The following AUTS2 variants were observed in gnomAD, a reference collection of about 807,000 sequenced individuals.
The protein encoded by AUTS2 is autism susceptibility gene 2 protein.
AUTS2 carries 17 observed loss-of-function variants against 112.4 expected under a neutral mutation model. The ratio of observed to expected loss-of-function variants is 0.15; its 90% CI spans 0.10 to 0.23. The LOEUF (loss-of-function observed/expected upper bound fraction) is 0.23, where lower values mean the gene tolerates loss of function less well. AUTS2 is among the 10% of genes least tolerant of loss of function. The probability of loss-of-function intolerance (pLI) is 1.00; values close to 1 mark genes in which losing one functional copy is unlikely to be tolerated. For synonymous variants in AUTS2, 751 were observed against 702.7 expected, an observed-to-expected ratio of 1.07 and a Z score of -1.09; for missense variants, 1,510 against 1,701.6, an observed-to-expected ratio of 0.89 and a Z score of 1.98.
At chr7:70,392,144 C>A (rs1793892791) in intron 4 of AUTS2, among the ~76,000 whole-genome samples, 1 of 152,164 alleles carries the variant, frequency 6.6e-6, no homozygotes, top group Non-Finnish European at 1.5e-5. Flanking sequence ...TTTGCAATGG[C>A]TTCTTTGTAT....
intron 5 of AUTS2, among the ~76,000 whole-genome samples, chr7:70,677,299 C>T (rs528749600): frequency 1.1e-4 from 17 of 152,230 alleles, no homozygotes; most frequent in East Asian, 3.9e-4. Context: ...TCTGCAAATC[C>T]GAGCTCTCTT....
At chr7:70,643,762 T>C (rs961591066) in intron 5 of AUTS2, among the ~76,000 whole-genome samples, 21 of 152,224 alleles carry the variant, frequency 1.4e-4, no homozygotes, top group African/African-American at 4.8e-4. Context: ...CTGATCTCTC[T>C]CTTTCCCCAA....
chr7:69,978,885 C>CACAG (rs1227904404), intron 2 of AUTS2, among the ~76,000 whole-genome samples: 1 of 150,632 alleles, frequency 6.6e-6, no homozygotes, highest in Non-Finnish European at 1.5e-5. Context: ...CACACACACA[C>CACAG]ACACACACAC....
At position 69,876,312 on chromosome 7, in the gene AUTS2, C is replaced by T. The variant is rs374453687; in HGVS notation, c.310-22974C>T. 3.0e-4 allele frequency among the ~76,000 whole-genome samples: 27 copies of T among 90,284 alleles called. No individual in the cohort carries two copies. In the East Asian group the frequency reaches 8.0e-3, roughly 27 times the overall value. The allele number at this position is 90,284 out of a possible 152,430, so 59.2% of individuals were successfully genotyped here. On this transcript the variant is annotated intron_variant, in intron 1 of 18. Coordinates refer to ENST00000342771, the MANE Select transcript of AUTS2 (RefSeq NM_015570.4). ...CTGCACTCCAGCCTGGGTGATGGAG[C>T]GAGACTCTGTCTCAAAAAAAAAAAA... is the stretch of plus-strand genomic sequence containing the variant.
intron 17 of AUTS2, 107 bp downstream of exon 17, chr7:70,786,145 C>T: frequency 1.0e-6 from 1 of 953,710 alleles, no homozygotes; most frequent in African/African-American, 1.6e-5. Context: ...TCTGGGGGGA[C>T]CAGTGTAGGT....
intron 4 of AUTS2, among the ~76,000 whole-genome samples, chr7:70,381,906 C>G (rs1793383096): frequency 6.6e-6 from 1 of 152,120 alleles, no homozygotes; most frequent in South Asian, 2.1e-4. Flanking sequence ...TCAGTAAACA[C>G]TTTTTGAGTG....
chr7:69,835,559 CAA>C (rs1265706697), intron 1 of AUTS2, among the ~76,000 whole-genome samples: 1 of 152,096 alleles, frequency 6.6e-6, no homozygotes. Context: ...AGATTTGTGT[CAA>C]GAGACTCCCA....
intron 1 of AUTS2, among the ~76,000 whole-genome samples, chr7:69,604,214 A>G (rs1347797061): frequency 6.6e-6 from 1 of 152,166 alleles, no homozygotes; most frequent in African/African-American, 2.4e-5. Context: ...CAGTAGCATA[A>G]GTGGGCTATA....
chr7:69,627,316 A>C (rs561953186), intron 1 of AUTS2, among the ~76,000 whole-genome samples: 101 of 152,062 alleles, frequency 6.6e-4, no homozygotes, highest in Non-Finnish European at 1.2e-3. Flanking sequence ...ACATGGAGAA[A>C]CCCTGTCTCT....
At chr7:69,854,648 G>A (rs1314799231) in intron 1 of AUTS2, among the ~76,000 whole-genome samples, 2 of 151,944 alleles carry the variant, frequency 1.3e-5, no homozygotes, top group African/African-American at 4.8e-5. Context: ...CATCTTTAGT[G>A]TCACTTTAAT....
intron 4 of AUTS2, among the ~76,000 whole-genome samples, chr7:70,255,878 T>A (rs1287269837): frequency 6.6e-6 from 1 of 152,228 alleles, no homozygotes; most frequent in Non-Finnish European, 1.5e-5. Flanking sequence ...AGGCCTAGAT[T>A]TATTAATCAT....
rs539669831 is a variant in AUTS2 at position 69,963,858 on chromosome 7, G to A, written c.522+64360G>A. ...ACATGTAACCACTGAGTGATGCATT[G>A]TACTCTCTCCTGTAAAGTAGCCTTT... On this transcript the variant is annotated intron_variant, in intron 2 of 18. Coordinates refer to ENST00000342771, the MANE Select transcript of AUTS2 (RefSeq NM_015570.4). 1.1e-3 allele frequency among the ~76,000 whole-genome samples: 172 copies of A among 152,210 alleles called. 1 individual carries two copies. Among genetic ancestry groups the A allele is most frequent in the African/African-American group, 3.8e-3 (156 of 41,530 alleles).
At chr7:70,520,326 G>T (rs1453772262) in intron 5 of AUTS2, among the ~76,000 whole-genome samples, 1 of 152,192 alleles carries the variant, frequency 6.6e-6, no homozygotes, top group Non-Finnish European at 1.5e-5. Flanking sequence ...TGGCCCACAA[G>T]GTCTTCCCTG....
chr7:70,783,407 CA>C (rs58328313), intron 15 of AUTS2: 17,591 of 152,182 alleles, frequency 0.12, 1,192 homozygotes, highest in Non-Finnish European at 0.16. Flanking sequence ...TCTCCAAACC[CA>C]GGCCACAAGA....
chr7:70,527,408 T>C (rs1395757702), intron 5 of AUTS2, among the ~76,000 whole-genome samples: 1 of 152,174 alleles, frequency 6.6e-6, no homozygotes, highest in African/African-American at 2.4e-5. Flanking sequence ...CATAGTCACT[T>C]GGCTGTAATA....
intron 4 of AUTS2, among the ~76,000 whole-genome samples, chr7:70,161,410 T>G (rs1231439600): frequency 6.6e-6 from 1 of 151,872 alleles, no homozygotes; most frequent in Non-Finnish European, 1.5e-5. Context: ...TTTCTTAGGG[T>G]GATCCCAGCT....
intron 5 of AUTS2, among the ~76,000 whole-genome samples, chr7:70,504,443 A>G (rs186436472): frequency 4.2e-4 from 63 of 151,066 alleles, no homozygotes; most frequent in African/African-American, 1.5e-3. Flanking sequence ...GGTGTCAAAC[A>G]TGACTAATGA....
chr7:69,642,191 C>T (rs1342238901), intron 1 of AUTS2, among the ~76,000 whole-genome samples: 2 of 152,138 alleles, frequency 1.3e-5, no homozygotes, highest in Admixed American at 1.3e-4. Flanking sequence ...GTTTTTTTCT[C>T]CTTAACCCAT....
intron 1 of AUTS2, among the ~76,000 whole-genome samples, chr7:69,863,626 CAG>C (rs1793089467): frequency 6.6e-6 from 1 of 152,198 alleles, no homozygotes; most frequent in African/African-American, 2.4e-5. Context: ...ACCATGCCCC[CAG>C]TAATTATTCT....
Sources: gnomAD v4.1 joint callset for allele counts (sites outside exome capture counted in the v4.1 genomes callset) on GRCh38, gnomAD v4.1.1 for gene constraint, MANE v1.5 for transcripts, NCBI Gene and HGNC (gene_info 2026-07-23, HGNC 2026-07-21) for gene names.